The following SLC14A2 variants were observed in gnomAD, a reference collection of about 807,000 sequenced individuals.
The protein encoded by SLC14A2 is urea transporter 2.
A neutral mutation model predicts 104.6 loss-of-function variants in SLC14A2; 91 were observed. That is an observed-to-expected ratio of 0.87 (90% confidence interval 0.73 to 1.04). SLC14A2 has a LOEUF of 1.04. SLC14A2 is among the 50% of genes least tolerant of loss of function. SLC14A2 has a pLI of 0.00. For missense variants in SLC14A2, 1,189 were observed against 1,156.0 expected, an observed-to-expected ratio of 1.03 and a Z score of -0.41; for synonymous variants, 476 against 466.4, an observed-to-expected ratio of 1.02 and a Z score of -0.27.
chr18:45,301,391 A>G (rs1324254311), intron 1 of SLC14A2, among the ~76,000 whole-genome samples: 1 of 152,196 alleles, frequency 6.6e-6, no homozygotes, highest in Non-Finnish European at 1.5e-5. Context: ...GTGGAAAAAG[A>G]CAACTTAGAC....
chr18:45,624,605 A>G, intron 1 of SLC14A2, 26 bp from the exon 2 acceptor site: 1 of 1,549,452 alleles, frequency 6.5e-7, no homozygotes, highest in Non-Finnish European at 8.8e-7. Context: ...CTGACTCACT[A>G]GCTCTTTCCC....
At position 45,632,353 on chromosome 18, in the gene SLC14A2, T is replaced by G; in HGVS notation, c.525T>G (p.Ser175=). The change falls in exon 5 of 20, where the codon TCT becomes TCG. Residue 175 remains serine (S), a synonymous_variant. Transcript: ENST00000255226. The part of the protein sequence containing the change: ...LTALALGQDR[S]AIASGLHGYN... Reference sequence around the variant, plus strand: ...AATCAGTCTGTTTCACCGCCAGGTCTGCCATTGCCTCAGGACTCCATGGGT... The same window carrying G: ...AATCAGTCTGTTTCACCGCCAGGTCGGCCATTGCCTCAGGACTCCATGGGT... 2.5e-6 allele frequency: 4 copies of G among 1,610,400 alleles called. No individual in the cohort carries two copies. In the South Asian group the frequency reaches 4.4e-5, roughly 18 times the overall value.
At chr18:45,589,930 C>A (rs942469963) in intron 2 of SLC14A2, among the ~76,000 whole-genome samples, 1 of 152,168 alleles carries the variant, frequency 6.6e-6, no homozygotes, top group African/African-American at 2.4e-5. Context: ...AGCGTGAGAG[C>A]TCCTTAGGAC....
chr18:45,342,215 C>A (rs1315454895), intron 1 of SLC14A2, among the ~76,000 whole-genome samples: 1 of 152,132 alleles, frequency 6.6e-6, no homozygotes, highest in African/African-American at 2.4e-5. Flanking sequence ...ATAATCAACT[C>A]TGTTAACTAA....
chr18:45,325,946 G>A (rs922504559), intron 1 of SLC14A2, among the ~76,000 whole-genome samples: 1 of 152,088 alleles, frequency 6.6e-6, no homozygotes. Context: ...AGAAAAATAC[G>A]CCAAGTGATT....
At chr18:45,354,593 G>A (rs1242586127) in intron 1 of SLC14A2, among the ~76,000 whole-genome samples, 1 of 152,244 alleles carries the variant, frequency 6.6e-6, no homozygotes, top group African/African-American at 2.4e-5. Flanking sequence ...GGTGGAGTCA[G>A]GGAGCTATAC....
rs543478820 is a variant in SLC14A2, at chr18:45,435,503, G to A, written c.-124-47730G>A. On this transcript the variant is annotated intron_variant, in intron 1 of 20. Coordinates refer to the SLC14A2 transcript ENST00000586448. ...CACCAAAATTTTAAGTTGCAGGATGGCTCTATACTAGATTGAGTTCTCTTT... is the reference window on the plus strand; with the variant it reads ...CACCAAAATTTTAAGTTGCAGGATGACTCTATACTAGATTGAGTTCTCTTT... 9.9e-5 allele frequency among the ~76,000 whole-genome samples: 15 copies of A among 152,208 alleles called. 1 individual carries two copies. The South Asian group carries it at 2.1e-3, about 21-fold the overall frequency.
intron 2 of SLC14A2, among the ~76,000 whole-genome samples, chr18:45,500,128 G>A (rs1194618259): frequency 6.6e-6 from 1 of 152,194 alleles, no homozygotes; most frequent in East Asian, 1.9e-4. Context: ...GGGGCATGGA[G>A]AGAAAGAATA....
At chr18:45,280,128 C>T (rs1049488609) in intron 1 of SLC14A2, among the ~76,000 whole-genome samples, 16 of 152,158 alleles carry the variant, frequency 1.1e-4, no homozygotes, top group African/African-American at 3.9e-4. Context: ...AACTGAGGCT[C>T]CAAGACGGTA....
At chr18:45,631,514 T>A (rs2045345483) in intron 4 of SLC14A2, among the ~76,000 whole-genome samples, 1 of 152,248 alleles carries the variant, frequency 6.6e-6, no homozygotes, top group Non-Finnish European at 1.5e-5. Flanking sequence ...CTACCACACT[T>A]CTGGGCTGCT....
chr18:45,430,278 A>T (rs2086493476), intron 1 of SLC14A2, among the ~76,000 whole-genome samples: 1 of 152,260 alleles, frequency 6.6e-6, no homozygotes. Context: ...ACAAGTTTCC[A>T]AATCACTAAC....
intron 4 of SLC14A2, among the ~76,000 whole-genome samples, chr18:45,630,442 A>G (rs1192819433): frequency 6.6e-6 from 1 of 152,148 alleles, no homozygotes; most frequent in African/African-American, 2.4e-5. Flanking sequence ...ATGGTAACTG[A>G]AGGTCAACAA....
At chr18:45,631,034 C>A (rs1380082715) in intron 4 of SLC14A2, among the ~76,000 whole-genome samples, 1 of 152,218 alleles carries the variant, frequency 6.6e-6, no homozygotes. Context: ...TAAGCCACAG[C>A]CCCTGCTGGG....
chr18:45,662,448 C>G (rs999963830), intron 10 of SLC14A2, among the ~76,000 whole-genome samples: 2 of 152,154 alleles, frequency 1.3e-5, no homozygotes, highest in African/African-American at 4.8e-5. Context: ...TTCCAGCTTT[C>G]GTATGCACAC....
At chr18:45,178,661 G>T in the SLC14A2 span, among the ~76,000 whole-genome samples, 7 of 152,116 alleles carry the variant, frequency 4.6e-5, no homozygotes, top group African/African-American at 1.4e-4. Context: ...GTTGTGCCAG[G>T]TCTGTGCTAA....
chr18:45,241,094 A>G (rs1414044274), intron 1 of SLC14A2, among the ~76,000 whole-genome samples: 3 of 152,318 alleles, frequency 2.0e-5, no homozygotes, highest in Middle Eastern at 3.4e-3. Context: ...CAGGAAAAGG[A>G]ACAGCATGGA....
chr18:45,395,977 C>T (rs1212398078), intron 1 of SLC14A2, among the ~76,000 whole-genome samples: 2 of 152,120 alleles, frequency 1.3e-5, no homozygotes, highest in Admixed American at 6.6e-5. Context: ...TTCATCTTTG[C>T]CTGAACACTA....
intron 2 of SLC14A2, among the ~76,000 whole-genome samples, chr18:45,544,400 T>A (rs902828694): frequency 2.7e-4 from 41 of 152,254 alleles, no homozygotes; most frequent in African/African-American, 9.4e-4. Flanking sequence ...ACTCATTAAG[T>A]GTCTATATAA....
intron 6 of SLC14A2, among the ~76,000 whole-genome samples, chr18:45,638,959 C>G (rs1018987078): frequency 6.6e-6 from 1 of 152,172 alleles, no homozygotes; most frequent in African/African-American, 2.4e-5. Flanking sequence ...CCAAAAATAT[C>G]GACAATTCAG....
Sources: gnomAD v4.1 joint callset for allele counts (sites outside exome capture counted in the v4.1 genomes callset) on GRCh38, gnomAD v4.1.1 for gene constraint, MANE v1.5 for transcripts, NCBI Gene and HGNC (gene_info 2026-07-23, HGNC 2026-07-21) for gene names.